Variants in ADGRL3 observed in about 807,000 individuals in gnomAD.
ADGRL3 encodes the protein adhesion G protein-coupled receptor L3.
ADGRL3 carries 62 observed loss-of-function variants against 153.5 expected under a neutral mutation model. That is an observed-to-expected ratio of 0.40 (90% CI 0.33 to 0.50). The LOEUF (loss-of-function observed/expected upper bound fraction) is 0.50. ADGRL3 is among the 20% of genes least tolerant of loss of function. The pLI, the probability that ADGRL3 is intolerant of heterozygous loss-of-function variation, is 0.47. For missense variants in ADGRL3, 1,641 were observed against 1,859.4 expected (o/e 0.88, Z 2.16); for synonymous variants, 710 against 672.5 (o/e 1.06, Z -0.86).
At chr4:61,622,989 C>A (rs1286801543) in intron 5 of ADGRL3, among the ~76,000 whole-genome samples, 1 of 151,958 alleles carries the variant, frequency 6.6e-6, no homozygotes, top group Non-Finnish European at 1.5e-5. Context: ...CAGAGGGAAA[C>A]AACGTTCAAA....
chr4:61,305,184 T>A (rs1386426876), intron 1 of ADGRL3, among the ~76,000 whole-genome samples: 1 of 152,144 alleles, frequency 6.6e-6, no homozygotes, highest in Non-Finnish European at 1.5e-5. Context: ...CTTTTTTTTT[T>A]TTAACTATTT....
chr4:61,445,795 C>T (rs894603512), intron 2 of ADGRL3, among the ~76,000 whole-genome samples: 5 of 152,102 alleles, frequency 3.3e-5, no homozygotes, highest in Non-Finnish European at 7.3e-5. Context: ...AATGAAAGCC[C>T]TCATATAAAA....
intron 13 of ADGRL3, among the ~76,000 whole-genome samples, chr4:61,921,702 G>A (rs948111145): frequency 4.6e-5 from 7 of 152,034 alleles, no homozygotes; most frequent in African/African-American, 1.7e-4. Context: ...CACCATGCCC[G>A]GCCTGTTAGC....
intron 1 of ADGRL3, among the ~76,000 whole-genome samples, chr4:61,227,758 A>C (rs998030999): frequency 6.6e-6 from 1 of 152,206 alleles, no homozygotes; most frequent in Non-Finnish European, 1.5e-5. Context: ...CATTATTGTT[A>C]AACACAGTCG....
chr4:61,864,759 CT>C (rs1361262317), intron 9 of ADGRL3, among the ~76,000 whole-genome samples: 2 of 152,092 alleles, frequency 1.3e-5, no homozygotes, highest in African/African-American at 2.4e-5. Flanking sequence ...GCTGAACCAA[CT>C]GAGAAAAAAT....
At chr4:61,938,198 T>G (rs752820623) in intron 15 of ADGRL3, among the ~76,000 whole-genome samples, 1 of 152,234 alleles carries the variant, frequency 6.6e-6, no homozygotes, top group Non-Finnish European at 1.5e-5. Flanking sequence ...GAAATTGGCA[T>G]GAATTATCAG....
At chr4:61,973,247 C>T (rs908929489) in intron 17 of ADGRL3, among the ~76,000 whole-genome samples, 1 of 151,606 alleles carries the variant, frequency 6.6e-6, no homozygotes, top group Non-Finnish European at 1.5e-5. Context: ...TTTCCCTGTT[C>T]CAGAAATTTG....
At chr4:61,682,022 C>G (rs2095347095) in intron 6 of ADGRL3, among the ~76,000 whole-genome samples, 1 of 151,922 alleles carries the variant, frequency 6.6e-6, no homozygotes, top group Admixed American at 6.6e-5. Context: ...GTACTGCATT[C>G]ATTGCTAGAA....
chr4:61,403,315 GT>G, intron 2 of ADGRL3, among the ~76,000 whole-genome samples: 1 of 152,162 alleles, frequency 6.6e-6, no homozygotes, highest in East Asian at 1.9e-4. Context: ...CATCAACCAT[GT>G]GATTAGAAGG....
intron 6 of ADGRL3, among the ~76,000 whole-genome samples, chr4:61,680,214 T>C (rs1349491188): frequency 3.9e-5 from 6 of 152,002 alleles, no homozygotes; most frequent in Non-Finnish European, 7.4e-5. Flanking sequence ...GGATTTAATA[T>C]TAATATTGGA....
At chr4:61,654,802 C>T (rs1228047097) in intron 5 of ADGRL3, among the ~76,000 whole-genome samples, 1 of 151,970 alleles carries the variant, frequency 6.6e-6, no homozygotes, top group African/African-American at 2.4e-5. Context: ...GAGGCTGAGG[C>T]AGGAGAATTG....
intron 2 of ADGRL3, among the ~76,000 whole-genome samples, chr4:61,442,900 G>T (rs1471313066): frequency 6.6e-6 from 1 of 152,158 alleles, no homozygotes. Context: ...CAGAAAGAGA[G>T]AGTGAATGTA....
intron 1 of ADGRL3, among the ~76,000 whole-genome samples, chr4:61,281,243 C>T (rs2093712426): frequency 6.6e-6 from 1 of 151,944 alleles, no homozygotes; most frequent in East Asian, 1.9e-4. Flanking sequence ...GGGGTACCAT[C>T]CCAAAGACCA....
At position 61,946,064 on chromosome 4, in the gene ADGRL3, C is replaced by T. The variant is rs574927116; in HGVS notation, c.2420-850C>T. ...GCTATTAAGAATAAGGATATATATC[C>T]CCATATATTGTGGTGGATATATGTT... On this transcript the variant is annotated intron_variant, in intron 15 of 26. Transcript: ENST00000683033. Among the ~76,000 whole-genome samples, 65 of 152,150 alleles carry T rather than the reference C, an allele frequency of 4.3e-4. 1 individual carries two copies. Among genetic ancestry groups the T allele is most frequent in the South Asian group, 1.9e-3 (9 of 4,820 alleles).
chr4:61,726,273 A>G lies in ADGRL3; in HGVS notation c.584-4349A>G, dbSNP rs552238346. Reference sequence around the variant, plus strand: ...GAGTGCAGTGGCGCGATCTTGGCTCACTGCAACCTCTGCCTTTTGGGTTCA... The same window carrying G: ...GAGTGCAGTGGCGCGATCTTGGCTCGCTGCAACCTCTGCCTTTTGGGTTCA... On this transcript the variant is annotated intron_variant, in intron 6 of 26. Coordinates refer to ENST00000683033, the MANE Select transcript of ADGRL3 (RefSeq NM_001387552.1). 6.3e-5 allele frequency among the ~76,000 whole-genome samples: 9 copies of G among 142,992 alleles called. No individual in the cohort carries two copies. The East Asian group carries it at 1.3e-3, about 20-fold the overall frequency. The allele number at this position is 142,992 out of a possible 152,430, so 93.8% of individuals were successfully genotyped here.
rs560828341 is a variant in ADGRL3 at position 61,650,285 on chromosome 4, CTG to C, written c.474-26538_474-26537del. 2.2e-3 allele frequency among the ~76,000 whole-genome samples: 328 copies of C among 151,962 alleles called. 1 individual carries two copies. The highest frequency in any genetic ancestry group is 3.6e-3 in the Non-Finnish European group (243 of 67,962). ...TTTAGAAACTATAATCAAAATTAGA[CTG>C]TGATTAATTCTCTCAAAATATTTAC... On this transcript the variant is annotated intron_variant, in intron 5 of 26. Transcript: ENST00000683033.
intron 1 of ADGRL3, among the ~76,000 whole-genome samples, chr4:61,294,103 A>C (rs1226952306): frequency 1.3e-5 from 2 of 152,150 alleles, no homozygotes; most frequent in Non-Finnish European, 2.9e-5. Context: ...AAATACTTCG[A>C]AATTGGAATT....
rs576129790 is a variant in ADGRL3, at chr4:61,759,464, C to T, written c.1399+25910C>T. ...TACGCTTTCTTCCAGTTGATCAGATCGACTACGAGGCTTGTGCATTCGTCA... is the reference window on the plus strand; with the variant it reads ...TACGCTTTCTTCCAGTTGATCAGATTGACTACGAGGCTTGTGCATTCGTCA... On this transcript the variant is annotated intron_variant, in intron 8 of 26. Coordinates refer to ENST00000683033, the MANE Select transcript of ADGRL3 (RefSeq NM_001387552.1). 2.0e-4 allele frequency among the ~76,000 whole-genome samples: 31 copies of T among 152,268 alleles called. 1 individual carries two copies. The South Asian group carries it at 4.8e-3, about 23-fold the overall frequency.
intron 15 of ADGRL3, among the ~76,000 whole-genome samples, chr4:61,936,855 A>C: frequency 6.6e-6 from 1 of 151,718 alleles, no homozygotes; most frequent in East Asian, 1.9e-4. Flanking sequence ...AGATCATTTA[A>C]TCTGCCAAGT....
Sources: gnomAD v4.1 joint callset for allele counts (sites outside exome capture counted in the v4.1 genomes callset) on GRCh38, gnomAD v4.1.1 for gene constraint, MANE v1.5 for transcripts, NCBI Gene and HGNC (gene_info 2026-07-23, HGNC 2026-07-21) for gene names.